The following FREM2 variants were observed in gnomAD, a reference collection of about 807,000 sequenced individuals.
The protein encoded by FREM2 is FRAS1-related extracellular matrix protein 2.
In FREM2, 119 loss-of-function variants were observed where a neutral mutation model predicts 219.9. The ratio of observed to expected loss-of-function variants is 0.54; its 90% confidence interval spans 0.47 to 0.63. FREM2 has a LOEUF of 0.63. Ranked by LOEUF, FREM2 falls within the 30% of genes least tolerant of loss-of-function variation. FREM2 has a pLI of 0.00. For missense variants in FREM2, 4,030 were observed against 3,993.6 expected, an observed-to-expected ratio of 1.01 and a Z score of -0.25; for synonymous variants, 1,562 against 1,522.8, an observed-to-expected ratio of 1.03 and a Z score of -0.60.
intron 17 of FREM2, among the ~76,000 whole-genome samples, chr13:38,874,219 A>T (rs1240095988): frequency 6.6e-6 from 1 of 152,146 alleles, no homozygotes; most frequent in East Asian, 1.9e-4. Flanking sequence ...TCAGATTTTA[A>T]AAAAACTTGG....
At chr13:38,749,294 A>G (rs1345136027) in intron 2 of FREM2, among the ~76,000 whole-genome samples, 3 of 152,180 alleles carry the variant, frequency 2.0e-5, no homozygotes, top group Non-Finnish European at 4.4e-5. Context: ...TGGCTCAACT[A>G]CTTTCTGCAA....
At chr13:38,741,582 A>G (rs1872251171) in intron 2 of FREM2, among the ~76,000 whole-genome samples, 2 of 152,212 alleles carry the variant, frequency 1.3e-5, no homozygotes, top group Non-Finnish European at 2.9e-5. Flanking sequence ...TTAAGGTGGT[A>G]GAGACACTTA....
chr13:38,726,315 G>C (rs78142659), intron 2 of FREM2, among the ~76,000 whole-genome samples: 1 of 152,238 alleles, frequency 6.6e-6, no homozygotes, highest in African/African-American at 2.4e-5. Flanking sequence ...CTCCTGGAAT[G>C]TCAGAGCCAG....
At chr13:38,814,745 A>G (rs994582913) in intron 6 of FREM2, among the ~76,000 whole-genome samples, 3 of 152,162 alleles carry the variant, frequency 2.0e-5, no homozygotes, top group African/African-American at 4.8e-5. Context: ...CTGATGTTCT[A>G]TTCTACTGCA....
At chr13:38,871,585 A>G (rs1311820353) in intron 16 of FREM2, among the ~76,000 whole-genome samples, 1 of 152,184 alleles carries the variant, frequency 6.6e-6, no homozygotes, top group African/African-American at 2.4e-5. Flanking sequence ...ATGGGCCAAA[A>G]GCTGAGTTCT....
rs116099212 is a variant in FREM2, at chr13:38,878,873, G to A, written c.8902G>A (p.Val2968Ile). 9,425 of 1,614,122 alleles carry A rather than the reference G, an allele frequency of 5.8e-3. 51 individuals carry two copies. Among genetic ancestry groups the A allele is most frequent in the Non-Finnish European group, 7.0e-3 (8,288 of 1,179,984 alleles). Residue 2968 changes from valine (V) to isoleucine (I), a missense_variant, in exon 23 of 24, where the codon GTC becomes ATC. Val to Ile is a conservative substitution (Grantham distance 29). This residue lies in a region of FREM2 where 928 missense variants were observed against 1,042.9 expected (regional missense o/e 0.89). Transcript: ENST00000280481. Reference sequence around the variant, plus strand: ...GACACAAGCGACCAGTTTTGGAAATGTCCTATTTAATGCCAAACTAGCAGT... The same window carrying A: ...GACACAAGCGACCAGTTTTGGAAATATCCTATTTAATGCCAAACTAGCAGT... ...PETQATSFGN[V>I]LFNAKLAVDD...
chr13:38,805,368 T>C (rs927736032), intron 6 of FREM2, among the ~76,000 whole-genome samples: 2 of 151,750 alleles, frequency 1.3e-5, no homozygotes, highest in Non-Finnish European at 2.9e-5. Context: ...AAAAAGATTG[T>C]GCGTGGAAGC....
At chr13:38,837,930 A>C (rs563873529) in intron 6 of FREM2, among the ~76,000 whole-genome samples, 57 of 152,220 alleles carry the variant, frequency 3.7e-4, no homozygotes, top group African/African-American at 1.3e-3. Context: ...CAGTCTGTGC[A>C]TTTTAACTGG....
At chr13:38,802,427 T>C (rs1448170198) in intron 6 of FREM2, among the ~76,000 whole-genome samples, 1 of 151,460 alleles carries the variant, frequency 6.6e-6, no homozygotes, top group African/African-American at 2.4e-5. Flanking sequence ...ACGCAGGCCT[T>C]TGGAGGCTGG....
chr13:38,783,191 A>G lies in FREM2; in HGVS notation c.5763A>G (p.Gln1921=), dbSNP rs116673912. The G allele has an allele frequency of 4.3e-6, 7 of 1,614,132 alleles. No individual in the cohort carries two copies. In the Admixed American group the frequency reaches 6.7e-5, roughly 15 times the overall value. Residue 1921 remains glutamine (Q), a synonymous_variant, in exon 5 of 24, where the codon CAA becomes CAG. Transcript: ENST00000280481. ...SQELMVVCYT[Q]QGTATGTVPT... is the part of the protein sequence containing the mutation. ...AGTTGATGGTGGTCTGTTATACCCA[A>G]CAAGGTAGCTCGATTTGCCGAAAAA...
chr13:38,756,406 C>T (rs1026790880), intron 2 of FREM2, among the ~76,000 whole-genome samples: 3 of 152,060 alleles, frequency 2.0e-5, no homozygotes, highest in Admixed American at 6.5e-5. Context: ...TTCATTAACA[C>T]GGCACACTCA....
At position 38,722,831 on chromosome 13, in the gene FREM2, TTCA is replaced by T. The variant is rs1463534809; in HGVS notation, c.5263+25045_5263+25047del. ...CCAGAGTTAATATCAAACATAAGAT[TTCA>T]AGTACTTTATCTTAAAGTTACTCAT... On this transcript the variant is annotated intron_variant, in intron 2 of 23. Transcript: ENST00000280481. Among the ~76,000 whole-genome samples, 3 of 151,858 alleles carry T rather than the reference TTCA, an allele frequency of 2.0e-5. 1 individual carries two copies. The highest frequency in any genetic ancestry group is 4.4e-5 in the Non-Finnish European group (3 of 67,998).
intron 4 of FREM2, among the ~76,000 whole-genome samples, chr13:38,780,506 G>A (rs1170015833): frequency 1.3e-5 from 2 of 152,150 alleles, no homozygotes; most frequent in African/African-American, 4.8e-5. Flanking sequence ...TAGACCTGGT[G>A]TCTCTTTATC....
rs112473996 is a variant in FREM2, at chr13:38,843,847, C to A, written c.6020-2726C>A. Among the ~76,000 whole-genome samples, 226 of 151,518 alleles carry A rather than the reference C, an allele frequency of 1.5e-3. 1 individual carries two copies. Among genetic ancestry groups the A allele is most frequent in the Admixed American group, 4.0e-3 (61 of 15,222 alleles). On this transcript the variant is annotated intron_variant, in intron 6 of 23. Transcript: ENST00000280481. ...CTGAAAAAATATGCTGATGCTTAAC[C>A]ATTTTTTTAATTCATGGCACAAGAA...
At chr13:38,726,315 G>A (rs78142659) in intron 2 of FREM2, among the ~76,000 whole-genome samples, 2 of 152,120 alleles carry the variant, frequency 1.3e-5, no homozygotes, top group Non-Finnish European at 2.9e-5. Context: ...CTCCTGGAAT[G>A]TCAGAGCCAG....
intron 2 of FREM2, among the ~76,000 whole-genome samples, chr13:38,712,056 G>T (rs922122279): frequency 1.3e-5 from 2 of 151,696 alleles, no homozygotes; most frequent in Non-Finnish European, 2.9e-5. Flanking sequence ...TAATAGCTGG[G>T]ACTACAGGCG....
intron 6 of FREM2, among the ~76,000 whole-genome samples, chr13:38,807,189 T>TATATATATATATATA (rs1555268805): frequency 0.016 from 742 of 45,336 alleles, 176 homozygotes; most frequent in Non-Finnish European, 0.022. Context: ...CTTGTCTCTG[T>TATATATATATATATA]TATATATATA....
At chr13:38,827,591 A>T (rs1367537472) in intron 6 of FREM2, 3 of 152,092 alleles carry the variant, frequency 2.0e-5, no homozygotes, top group Non-Finnish European at 4.4e-5. Flanking sequence ...TTGAAGATGG[A>T]TGTGTGGATA....
At chr13:38,813,594 CCTCT>C (rs1373960233) in intron 6 of FREM2, among the ~76,000 whole-genome samples, 2 of 65,206 alleles carry the variant, frequency 3.1e-5, no homozygotes, top group Non-Finnish European at 6.9e-5. Flanking sequence ...TATATATATC[CCTCT>C]CTCTCTCTTG....
Sources: gnomAD v4.1 joint callset for allele counts (sites outside exome capture counted in the v4.1 genomes callset) on GRCh38, gnomAD v4.1.1 for gene constraint, gnomAD v4.1.1 regional missense constraint, MANE v1.5 for transcripts, NCBI Gene and HGNC (gene_info 2026-07-23, HGNC 2026-07-21) for gene names.